Variants in RABGEF1 observed in about 807,000 individuals in gnomAD.
The protein encoded by RABGEF1 is RAB guanine nucleotide exchange factor 1, also known as rab5 GDP/GTP exchange factor.
In RABGEF1, 26 loss-of-function variants were observed where a neutral mutation model predicts 57.3. The observed-to-expected ratio is 0.45, with a 90% CI of 0.33 to 0.63. The LOEUF (loss-of-function observed/expected upper bound fraction) is 0.63, where lower values mean the gene tolerates loss of function less well. Among genes scored for constraint, RABGEF1 ranks in the 20% least tolerant of loss-of-function variants. RABGEF1 has a pLI of 0.02. For missense variants in RABGEF1, 464 were observed against 607.6 expected, an observed-to-expected ratio of 0.76 and a Z score of 2.48; for synonymous variants, 185 against 210.7, an observed-to-expected ratio of 0.88 and a Z score of 1.06.
intron 1 of RABGEF1, among the ~76,000 whole-genome samples, chr7:66,704,627 T>G (rs1228774145): frequency 6.6e-6 from 1 of 151,586 alleles, no homozygotes; most frequent in Non-Finnish European, 1.5e-5. Context: ...TGGCTAACAC[T>G]GTGAAACCCC....
chr7:66,740,563 C>G (rs12535669), upstream of RABGEF1: 2,233 of 152,626 alleles, frequency 0.015, 61 homozygotes, highest in East Asian at 0.094. Flanking sequence ...GGCGTCAGGG[C>G]GGTACCCCAC....
the RABGEF1 span, among the ~76,000 whole-genome samples, chr7:66,672,443 C>CA: frequency 3.3e-5 from 5 of 151,982 alleles, no homozygotes; most frequent in African/African-American, 7.2e-5. Context: ...AACAAACAAA[C>CA]AAAAAAACAA....
intron 1 of RABGEF1, among the ~76,000 whole-genome samples, chr7:66,771,548 C>T (rs758743375): frequency 1.3e-5 from 2 of 152,178 alleles, no homozygotes; most frequent in Non-Finnish European, 2.9e-5. Context: ...TGTCGGGAAG[C>T]TTTTCCCCTA....
chr7:66,717,625 C>A (rs369876916), intron 2 of RABGEF1, among the ~76,000 whole-genome samples: 5 of 152,046 alleles, frequency 3.3e-5, no homozygotes, highest in African/African-American at 1.2e-4. Flanking sequence ...GTAGTACAAT[C>A]ACAGCTCACT....
intron 1 of RABGEF1, among the ~76,000 whole-genome samples, chr7:66,686,641 A>G (rs1162076748): frequency 6.6e-6 from 1 of 152,146 alleles, no homozygotes; most frequent in African/African-American, 2.4e-5. Flanking sequence ...CAGCTATCCT[A>G]TTTAATACTA....
At chr7:66,791,019 G>A (rs1183046468) in intron 4 of RABGEF1, among the ~76,000 whole-genome samples, 1 of 152,176 alleles carries the variant, frequency 6.6e-6, no homozygotes, top group African/African-American at 2.4e-5. Flanking sequence ...GGAGTTACTG[G>A]ATTTCTTAGC....
intron 2 of RABGEF1, among the ~76,000 whole-genome samples, chr7:66,727,330 GT>G (rs964727261): frequency 1.1e-4 from 16 of 152,184 alleles, no homozygotes; most frequent in Non-Finnish European, 2.1e-4. Flanking sequence ...TGAATTGGGG[GT>G]TCTCTGGACT....
chr7:66,803,460 C>G (rs1387133579), intron 7 of RABGEF1, among the ~76,000 whole-genome samples: 1 of 152,220 alleles, frequency 6.6e-6, no homozygotes, highest in African/African-American at 2.4e-5. Context: ...GGCCGATGTG[C>G]AACCCCAGAG....
the RABGEF1 span, among the ~76,000 whole-genome samples, chr7:66,670,894 TACACACACAC>T: frequency 1.4e-5 from 2 of 145,592 alleles, no homozygotes; most frequent in African/African-American, 2.5e-5. Flanking sequence ...CACATACGTA[TACACACACAC>T]ACACACACAC....
intron 2 of RABGEF1, among the ~76,000 whole-genome samples, chr7:66,723,715 G>A (rs1362608686): frequency 1.3e-5 from 2 of 148,764 alleles, no homozygotes; most frequent in African/African-American, 4.9e-5. Flanking sequence ...TGAGTAGCTG[G>A]GATTACAGGG....
intron 1 of RABGEF1, among the ~76,000 whole-genome samples, chr7:66,765,960 A>G (rs1184191140): frequency 6.6e-6 from 1 of 152,180 alleles, no homozygotes; most frequent in African/African-American, 2.4e-5. Flanking sequence ...TACAAAATTT[A>G]AAAAAACTTA....
the RABGEF1 span, chr7:66,669,211 T>G: frequency 2.0e-5 from 3 of 152,386 alleles, no homozygotes; most frequent in Non-Finnish European, 4.4e-5. Context: ...GGAGGACGAA[T>G]GAGGTCATGT....
Position 66,743,328 on chromosome 7 carries a change from T to TA in RABGEF1, c.-18+2550dup, listed in dbSNP as rs1165345920. Among the ~76,000 whole-genome samples, 192 of 142,720 alleles carry TA rather than the reference T, an allele frequency of 1.3e-3. 1 individual carries two copies. Among genetic ancestry groups the TA allele is most frequent in the East Asian group, 3.7e-3 (18 of 4,898 alleles). 93.6% of individuals were successfully genotyped at this position (142,720 alleles called of 152,430 possible). A position where few individuals can be genotyped will look rare whatever the true frequency, so the allele number is the denominator to read the frequency against. On this transcript the variant is annotated intron_variant, in intron 1 of 8. Transcript: ENST00000284957. ...TCGTCTCAAAAAAAAGAAAAAAATT[T>TA]AAAAAAAAAAAAAAGGCTCTCTCTC...
At chr7:66,799,475 G>C (rs111267836) in intron 7 of RABGEF1, 61 bp downstream of exon 7, 4 of 1,315,748 alleles carry the variant, frequency 3.0e-6, no homozygotes, top group African/African-American at 2.9e-5. Flanking sequence ...ACATTTTACT[G>C]TAATATTCAT....
At chr7:66,791,576 G>T (rs1252686463) in intron 4 of RABGEF1, among the ~76,000 whole-genome samples, 1 of 152,138 alleles carries the variant, frequency 6.6e-6, no homozygotes, top group Non-Finnish European at 1.5e-5. Context: ...CCATAAAATA[G>T]AATGTGGCAA....
chr7:66,715,775 G>T (rs1026035026), intron 2 of RABGEF1, among the ~76,000 whole-genome samples: 2 of 152,000 alleles, frequency 1.3e-5, no homozygotes, highest in Admixed American at 6.6e-5. Flanking sequence ...ATGGGTCTCG[G>T]CTGTGTTACC....
the RABGEF1 span, among the ~76,000 whole-genome samples, chr7:66,664,081 A>G: frequency 6.7e-6 from 1 of 150,014 alleles, no homozygotes; most frequent in Non-Finnish European, 1.5e-5. Flanking sequence ...CAAAAAGAAA[A>G]AAAAAAAAAA....
intron 2 of RABGEF1, among the ~76,000 whole-genome samples, chr7:66,726,739 C>T (rs1796627840): frequency 1.3e-5 from 2 of 152,098 alleles, no homozygotes; most frequent in South Asian, 4.1e-4. Context: ...TGCGGTGGCT[C>T]ACGCCTGTAA....
chr7:66,692,847 G>A lies in RABGEF1; in HGVS notation c.-873+10589G>A, dbSNP rs571167200. 6.0e-3 allele frequency among the ~76,000 whole-genome samples: 908 copies of A among 152,286 alleles called. 4 individuals are homozygous for A. Among genetic ancestry groups the A allele is most frequent in the Non-Finnish European group, 0.01 (695 of 68,014 alleles). On this transcript the variant is annotated intron_variant and NMD_transcript_variant, in intron 1 of 9. Transcript: ENST00000607882. ...GAAGTGATTCCACAGAGTCCACACA[G>A]CTGCTGAGAAGTCAGCTGGCTCCTG...
Sources: allele counts gnomAD v4.1 joint callset (sites outside exome capture counted in the v4.1 genomes callset), GRCh38; gene constraint gnomAD v4.1.1; transcripts MANE v1.5; gene names NCBI Gene and HGNC (gene_info 2026-07-23, HGNC 2026-07-21).